The following SPMAP2L variants were observed in gnomAD, a reference collection of about 807,000 sequenced individuals.
SPMAP2L encodes the protein sperm microtubule associated protein 2-like.
the SPMAP2L span, chr4:56,557,833 T>C: frequency 1.3e-5 from 2 of 152,220 alleles, no homozygotes; most frequent in East Asian, 3.8e-4. Flanking sequence ...TTTCTTGATA[T>C]TACTAGCCAT....
the SPMAP2L span, among the ~76,000 whole-genome samples, chr4:56,587,334 A>G: frequency 2.6e-3 from 395 of 151,918 alleles, no homozygotes; most frequent in South Asian, 6.9e-3. Flanking sequence ...TGATTTTTCC[A>G]TAAGTTATTG....
chr4:56,557,970 CT>C, the SPMAP2L span: 10 of 149,030 alleles, frequency 6.7e-5, no homozygotes, highest in East Asian at 1.9e-4. Flanking sequence ...CCAAATTTTT[CT>C]TTTTTTTTTC....
chr4:56,567,377 C>A, the SPMAP2L span, among the ~76,000 whole-genome samples: 1,110 of 151,010 alleles, frequency 7.4e-3, 10 homozygotes, highest in East Asian at 0.034. Flanking sequence ...AGTGATTCTC[C>A]TGCCTCAGCC....
chr4:56,586,227 A>G, the SPMAP2L span, among the ~76,000 whole-genome samples: 10 of 152,182 alleles, frequency 6.6e-5, no homozygotes, highest in African/African-American at 2.4e-4. Context: ...TAAACAAAAG[A>G]TATTTATTTC....
chr4:56,603,481 C>A, the SPMAP2L span: 1 of 503,260 alleles, frequency 2.0e-6, no homozygotes. Flanking sequence ...CATTAAATAG[C>A]AGTTGTTGCT....
chr4:56,611,978 G>A, the SPMAP2L span, among the ~76,000 whole-genome samples: 2 of 152,164 alleles, frequency 1.3e-5, no homozygotes, highest in Non-Finnish European at 2.9e-5. Flanking sequence ...TCAAATGCAA[G>A]TGTCTCCCTT....
chr4:56,614,723 A>G, the SPMAP2L span, among the ~76,000 whole-genome samples: 1 of 152,198 alleles, frequency 6.6e-6, no homozygotes, highest in African/African-American at 2.4e-5. Flanking sequence ...TGGATGAAAC[A>G]CTTCTGAGTA....
At chr4:56,547,777 C>T in the SPMAP2L span, among the ~76,000 whole-genome samples, 31,483 of 152,110 alleles carry the variant, frequency 0.21, 3,756 homozygotes, top group Middle Eastern at 0.35. Context: ...AGAAAAGACT[C>T]TGGAGCAATC....
chr4:56,552,852 T>G, the SPMAP2L span, among the ~76,000 whole-genome samples: 1 of 152,168 alleles, frequency 6.6e-6, no homozygotes, highest in African/African-American at 2.4e-5. Flanking sequence ...AATCCTGATT[T>G]AGTTGATATG....
the SPMAP2L span, among the ~76,000 whole-genome samples, chr4:56,583,871 T>C: frequency 6.6e-6 from 1 of 152,204 alleles, no homozygotes; most frequent in Non-Finnish European, 1.5e-5. Flanking sequence ...ATTTAAAAAT[T>C]AGAGTGCATT....
chr4:56,588,183 T>C, the SPMAP2L span, among the ~76,000 whole-genome samples: 6 of 152,228 alleles, frequency 3.9e-5, no homozygotes, highest in Non-Finnish European at 8.8e-5. Context: ...TTCTTCTTAC[T>C]GATTTGAGTT....
chr4:56,622,538 T>C, the SPMAP2L span, among the ~76,000 whole-genome samples: 18 of 152,226 alleles, frequency 1.2e-4, no homozygotes, highest in African/African-American at 4.3e-4. Flanking sequence ...AACAAACATA[T>C]ATGAAGGTGT....
chr4:56,618,428 T>G, the SPMAP2L span, among the ~76,000 whole-genome samples: 2 of 152,148 alleles, frequency 1.3e-5, no homozygotes, highest in Non-Finnish European at 2.9e-5. Context: ...ACTGAATAAT[T>G]TATGAAGGAA....
chr4:56,612,847 G>T, the SPMAP2L span, among the ~76,000 whole-genome samples: 1 of 152,022 alleles, frequency 6.6e-6, no homozygotes, highest in Non-Finnish European at 1.5e-5. Flanking sequence ...GATTACAGGA[G>T]TGAGCCCCCA....
chr4:56,597,951 C>T, the SPMAP2L span, among the ~76,000 whole-genome samples: 1 of 152,156 alleles, frequency 6.6e-6, no homozygotes, highest in South Asian at 2.1e-4. Context: ...CAGCCTCAAC[C>T]TTCTGGGCTT....
At chr4:56,571,577 G>A in the SPMAP2L span, among the ~76,000 whole-genome samples, 1 of 152,040 alleles carries the variant, frequency 6.6e-6, no homozygotes, top group East Asian at 1.9e-4. Flanking sequence ...TGAGCATGGT[G>A]GCTAGCACCA....
the SPMAP2L span, chr4:56,548,711 T>C: frequency 2.0e-6 from 2 of 1,024,844 alleles, no homozygotes; most frequent in Non-Finnish European, 2.6e-6. Flanking sequence ...CCTTTCTCTT[T>C]TAATTTGTGA....
the SPMAP2L span, among the ~76,000 whole-genome samples, chr4:56,563,461 T>A: frequency 6.6e-6 from 1 of 151,938 alleles, no homozygotes; most frequent in Admixed American, 6.6e-5. Flanking sequence ...GCTGGTTGAA[T>A]GATTTAAGCT....
chr4:56,607,097 G>A, the SPMAP2L span, among the ~76,000 whole-genome samples: 2 of 152,142 alleles, frequency 1.3e-5, no homozygotes, highest in Non-Finnish European at 1.5e-5. Flanking sequence ...GAGTGCTCTG[G>A]TTTGAATGTT....
Sources: allele counts gnomAD v4.1 joint callset (sites outside exome capture counted in the v4.1 genomes callset), GRCh38; gene constraint gnomAD v4.1.1; transcripts MANE v1.5; gene names NCBI Gene and HGNC (gene_info 2026-07-23, HGNC 2026-07-21).